The following CDK8 variants were observed in gnomAD, a reference collection of about 807,000 sequenced individuals.
CDK8 encodes the protein cyclin dependent kinase 8, also known as cyclin-dependent kinase 8.
Under a neutral mutation model 71.5 loss-of-function variants are expected in CDK8, and 29 were observed. That is an observed-to-expected ratio of 0.41 (90% confidence interval 0.30 to 0.55). The LOEUF (loss-of-function observed/expected upper bound fraction) is 0.55, where lower values mean the gene tolerates loss of function less well. Among genes scored for constraint, CDK8 ranks in the 20% least tolerant of loss-of-function variants. The pLI is 0.37. For synonymous variants in CDK8, 161 were observed against 192.1 expected, an observed-to-expected ratio of 0.84 and a Z score of 1.34; for missense variants, 288 against 572.6, an observed-to-expected ratio of 0.50 and a Z score of 5.07.
chr13:26,379,107 C>G (rs1182618640), intron 4 of CDK8, among the ~76,000 whole-genome samples: 1 of 152,202 alleles, frequency 6.6e-6, no homozygotes, highest in Non-Finnish European at 1.5e-5. Flanking sequence ...ATCATACTGT[C>G]TTTCCCTGGG....
chr13:26,289,332 C>T (rs1873186157), intron 1 of CDK8, among the ~76,000 whole-genome samples: 1 of 152,240 alleles, frequency 6.6e-6, no homozygotes, highest in African/African-American at 2.4e-5. Context: ...GGATTACAGG[C>T]ATGAGCCACT....
intron 1 of CDK8, among the ~76,000 whole-genome samples, chr13:26,313,823 A>G (rs949357763): frequency 6.6e-5 from 10 of 152,188 alleles, no homozygotes; most frequent in African/African-American, 2.4e-4. Flanking sequence ...TAACTCAGAA[A>G]GGAGGTGGTG....
chr13:26,321,335 A>T (rs1180384165), intron 1 of CDK8, among the ~76,000 whole-genome samples: 1 of 152,190 alleles, frequency 6.6e-6, no homozygotes, highest in African/African-American at 2.4e-5. Flanking sequence ...TAGAGTAATT[A>T]AGATCATAGA....
Position 26,401,588 on chromosome 13 carries a change from T to C in CDK8, c.1233T>C (p.Thr411=). 6.2e-7 allele frequency: 1 copy of C among 1,614,204 alleles called. No individual in the cohort carries two copies. Among genetic ancestry groups the C allele is most frequent in the Non-Finnish European group, 8.5e-7 (1 of 1,180,020 alleles). Residue 411 remains threonine, a synonymous_variant, in exon 12 of 13, where the codon ACT becomes ACC. Coordinates refer to ENST00000381527, the MANE Select transcript of CDK8 (RefSeq NM_001260.3). This position sits in a 1 kb window ranked among gnomAD's most constrained non-coding sequence, Gnocchi z 4.5. ...LKKVRVVPPT[T]TSGGLIMTSD... The stretch of plus-strand genomic sequence containing the variant: ...AAGTGAGAGTTGTTCCTCCTACCAC[T>C]ACCTCAGGTGGACTTATCATGACCT...
intron 1 of CDK8, among the ~76,000 whole-genome samples, chr13:26,325,292 C>T (rs1047949263): frequency 2.6e-5 from 4 of 152,076 alleles, no homozygotes; most frequent in African/African-American, 9.7e-5. Context: ...TCAGAATGAT[C>T]AAAAAAGCAG....
intron 1 of CDK8, among the ~76,000 whole-genome samples, chr13:26,328,839 T>A (rs1376013942): frequency 6.6e-6 from 1 of 152,224 alleles, no homozygotes; most frequent in Non-Finnish European, 1.5e-5. Context: ...CCAATTTTCC[T>A]ATTTTTCTTT....
chr13:26,305,850 C>T (rs981789105), intron 1 of CDK8, among the ~76,000 whole-genome samples: 2 of 152,144 alleles, frequency 1.3e-5, no homozygotes, highest in African/African-American at 4.8e-5. Context: ...CAGTCTTTAT[C>T]ACATTGAATA....
intron 4 of CDK8, among the ~76,000 whole-genome samples, chr13:26,356,315 C>G (rs1258824653): frequency 6.6e-6 from 1 of 152,176 alleles, no homozygotes; most frequent in Non-Finnish European, 1.5e-5. Flanking sequence ...ATCACTCTTA[C>G]TCCTCCATCC....
chr13:26,275,643 A>G (rs1320544056), intron 1 of CDK8, among the ~76,000 whole-genome samples: 4 of 152,214 alleles, frequency 2.6e-5, no homozygotes, highest in Non-Finnish European at 5.9e-5. Flanking sequence ...ACTATTACAG[A>G]ATTTAAAAAA....
At chr13:26,372,236 G>C (rs924093008) in intron 4 of CDK8, among the ~76,000 whole-genome samples, 9 of 152,108 alleles carry the variant, frequency 5.9e-5, no homozygotes, top group Non-Finnish European at 1.2e-4. Flanking sequence ...ATTTAATACA[G>C]AGTTTGAAAG....
chr13:26,263,374 A>G (rs560825688), intron 1 of CDK8, among the ~76,000 whole-genome samples: 3 of 152,274 alleles, frequency 2.0e-5, no homozygotes, highest in South Asian at 2.1e-4. Flanking sequence ...TGGCCTCGTG[A>G]TCCGCCTGCC....
At chr13:26,362,996 T>G (rs977714965) in intron 4 of CDK8, among the ~76,000 whole-genome samples, 218 of 148,130 alleles carry the variant, frequency 1.5e-3, no homozygotes, top group Middle Eastern at 3.5e-3. Flanking sequence ...CATTGTAGTT[T>G]TTTTTTTTTT....
At chr13:26,284,923 A>G (rs545700744) in intron 1 of CDK8, among the ~76,000 whole-genome samples, 1 of 135,984 alleles carries the variant, frequency 7.4e-6, no homozygotes, top group South Asian at 2.5e-4. Context: ...TCCCTGATGA[A>G]CATAAATGCA....
chr13:26,388,224 A>T (rs1292145914), intron 6 of CDK8, among the ~76,000 whole-genome samples: 1 of 152,232 alleles, frequency 6.6e-6, no homozygotes, highest in South Asian at 2.1e-4. Context: ...CAGAAAAATA[A>T]GTCAGTTAGA....
chr13:26,280,987 A>T (rs1046735695), intron 1 of CDK8, among the ~76,000 whole-genome samples: 3 of 152,238 alleles, frequency 2.0e-5, no homozygotes, highest in African/African-American at 7.2e-5. Context: ...GACCGGCAGA[A>T]ATCTCTGGTG....
chr13:26,389,605 G>A (rs562961791), intron 6 of CDK8, among the ~76,000 whole-genome samples: 3 of 152,250 alleles, frequency 2.0e-5, no homozygotes, highest in East Asian at 1.9e-4. Context: ...GTCGTCTGGT[G>A]TACACCTGCT....
At chr13:26,317,131 G>A (rs1874546972) in intron 1 of CDK8, among the ~76,000 whole-genome samples, 1 of 152,148 alleles carries the variant, frequency 6.6e-6, no homozygotes, top group South Asian at 2.1e-4. Context: ...GAGGACCAAC[G>A]TACGCATTGT....
At chr13:26,282,011 A>G (rs894701321) in intron 1 of CDK8, among the ~76,000 whole-genome samples, 1 of 152,004 alleles carries the variant, frequency 6.6e-6, no homozygotes, top group Non-Finnish European at 1.5e-5. Flanking sequence ...CCAATCAGAC[A>G]AAGACAGAGC....
chr13:26,293,341 G>A (rs1021412548), intron 1 of CDK8, among the ~76,000 whole-genome samples: 14 of 152,082 alleles, frequency 9.2e-5, no homozygotes, highest in African/African-American at 2.9e-4. Flanking sequence ...GGTGGCTCAC[G>A]CCTGTAATCG....
Sources: gnomAD v4.1 joint callset for allele counts (sites outside exome capture counted in the v4.1 genomes callset) on GRCh38, gnomAD v4.1.1 for gene constraint, Gnocchi (gnomAD v3.1) non-coding constraint, MANE v1.5 for transcripts, NCBI Gene and HGNC (gene_info 2026-07-23, HGNC 2026-07-21) for gene names.